Variants in SPDL1 observed in about 807,000 individuals in gnomAD.
SPDL1 encodes spindle apparatus coiled-coil protein 1.
SPDL1 carries 85 observed loss-of-function variants against 79.5 expected under a neutral mutation model. That is an observed-to-expected ratio of 1.07 (90% CI 0.90 to 1.28). The LOEUF (loss-of-function observed/expected upper bound fraction) is 1.28. Among genes scored for constraint, SPDL1 ranks in the 50% most tolerant of loss-of-function variants. The pLI, the probability that SPDL1 is intolerant of heterozygous loss-of-function variation, is 0.00. For synonymous variants in SPDL1, 269 were observed against 240.3 expected (o/e 1.12, Z -1.10); for missense variants, 703 against 697.8 (o/e 1.01, Z -0.08).
rs772936773 is a variant in SPDL1 at position 169,591,092 on chromosome 5, C to T, written c.204C>T (p.Leu68=). The T allele has an allele frequency of 5.6e-6, 9 of 1,613,716 alleles. No homozygotes were observed. The East Asian group carries it at 1.3e-4, about 24-fold the overall frequency. ...EKYTLQREVE[L]KSRMLESLSC... ...ATACCCTTCAAAGAGAAGTTGAACT[C>T]AAGAGTCGAATGTTAGAAAGTTTGA... The change falls in exon 3 of 12, where the codon CTC becomes CTT. Residue 68 remains leucine, a synonymous_variant. Transcript: ENST00000265295.
At chr5:169,602,470 T>G (rs553082300) in intron 11 of SPDL1, among the ~76,000 whole-genome samples, 3 of 152,356 alleles carry the variant, frequency 2.0e-5, no homozygotes, top group Admixed American at 6.5e-5. Flanking sequence ...TAGCCTAGAT[T>G]ATCTCCTATG....
At chr5:169,587,903 T>A (rs1442574991) in intron 1 of SPDL1, among the ~76,000 whole-genome samples, 1 of 152,116 alleles carries the variant, frequency 6.6e-6, no homozygotes, top group African/African-American at 2.4e-5. Context: ...ATTGATTGAT[T>A]GAGATGGAGT....
Position 169,591,032 on chromosome 5 carries a change from T to C in SPDL1, c.160-16T>C, listed in dbSNP as rs564527145. 3 of 1,596,350 alleles carry C rather than the reference T, an allele frequency of 1.9e-6. No homozygotes were observed. Among genetic ancestry groups the C allele is most frequent in the African/African-American group, 2.7e-5 (2 of 74,020 alleles). On this transcript the variant is annotated splice_polypyrimidine_tract_variant and intron_variant, in intron 2 of 11. Coordinates refer to ENST00000265295, the MANE Select transcript of SPDL1 (RefSeq NM_017785.5). Reference sequence around the variant, plus strand: ...CTATTTTTATGTAATTGAATTGTAATTGAATCTGTTTTCAGAGTTATGAAC... The same window carrying C: ...CTATTTTTATGTAATTGAATTGTAACTGAATCTGTTTTCAGAGTTATGAAC...
At chr5:169,596,848 A>C (rs1755613162) in intron 8 of SPDL1, 147 bp downstream of exon 8, 1 of 624,744 alleles carries the variant, frequency 1.6e-6, no homozygotes, top group Non-Finnish European at 2.6e-6. Flanking sequence ...CTTATACTTA[A>C]ACATCCATTG....
At chr5:169,589,638 C>T (rs1388909909) in intron 2 of SPDL1, among the ~76,000 whole-genome samples, 1 of 151,582 alleles carries the variant, frequency 6.6e-6, no homozygotes, top group African/African-American at 2.4e-5. Flanking sequence ...TTAAATGTCA[C>T]TTCAGCGGAG....
chr5:169,602,303 G>C (rs2113396687), intron 11 of SPDL1, among the ~76,000 whole-genome samples: 1 of 152,332 alleles, frequency 6.6e-6, no homozygotes, highest in East Asian at 1.9e-4. Context: ...AAGGTAAGTA[G>C]CAGTGGCTGA....
At chr5:169,588,786 A>G in intron 2 of SPDL1, 1 of 371,994 alleles carries the variant, frequency 2.7e-6, no homozygotes. Flanking sequence ...AGATCAAGTT[A>G]TCATTACTCT....
rs748260596 is a variant in SPDL1, at chr5:169,601,619, C to G, written c.1664C>G (p.Ser555Cys). The change falls in exon 11 of 12, where the codon TCT becomes TGT. Residue 555 changes from serine to cysteine, a missense_variant. Transcript: ENST00000265295. Reference sequence around the variant, plus strand: ...GAAAGAAGTGGAAACACCCCTAACTCTCCCAGGTCAGTGTCCTCTTTTCCT... The same window carrying G: ...GAAAGAAGTGGAAACACCCCTAACTGTCCCAGGTCAGTGTCCTCTTTTCCT... The part of the protein sequence containing the change: ...LSERSGNTPN[S>C]PRLAAESKLQ... 1 of 1,613,954 alleles carries G rather than the reference C, an allele frequency of 6.2e-7. No homozygotes were observed. The highest frequency in any genetic ancestry group is 8.5e-7 in the Non-Finnish European group (1 of 1,179,898).
At position 169,594,480 on chromosome 5, in the gene SPDL1, T is replaced by C. The variant is rs747688016; in HGVS notation, c.768T>C (p.Ser256=). Residue 256 remains serine, a synonymous_variant, in exon 6 of 12, where the codon TCT becomes TCC. Coordinates refer to ENST00000265295, the MANE Select transcript of SPDL1 (RefSeq NM_017785.5). ...TGGATCCCAATAGTAAAGGCAACTCTTTGTTTGCAGAGGTACTTATAAGTA... is the reference window on the plus strand; with the variant it reads ...TGGATCCCAATAGTAAAGGCAACTCCTTGTTTGCAGAGGTACTTATAAGTA... ...QALDPNSKGN[S]LFAEVEDRRA... 1.9e-6 allele frequency: 3 copies of C among 1,614,000 alleles called. No individual in the cohort carries two copies. The East Asian group carries it at 6.7e-5, about 36-fold the overall frequency.
intron 7 of SPDL1, chr5:169,596,299 A>G: frequency 2.9e-6 from 1 of 350,422 alleles, no homozygotes; most frequent in Non-Finnish European, 5.2e-6. Context: ...CTTTCAGACC[A>G]CAGCCATGCA....
At position 169,599,042 on chromosome 5, in the gene SPDL1, G is replaced by T. The variant is rs748551710; in HGVS notation, c.1207G>T (p.Ala403Ser). 5 of 1,599,282 alleles carry T rather than the reference G, an allele frequency of 3.1e-6. No individual in the cohort carries two copies. Among genetic ancestry groups the T allele is most frequent in the Non-Finnish European group, 4.3e-6 (5 of 1,169,326 alleles). The change falls in exon 10 of 12, where the codon GCT becomes TCT. Residue 403 changes from alanine (A) to serine (S), a missense_variant. Ala to Ser is a moderately conservative substitution (Grantham distance 99). Transcript: ENST00000265295. ...RMKALFESQR[A>S]LDIERKLFAN... ...GAAAGCATTATTTGAGAGCCAGCGG[G>T]CTCTAGATATTGAGCGAAAACTTTT... is the stretch of plus-strand genomic sequence containing the variant.
At chr5:169,593,837 T>C (rs1264448644) in intron 4 of SPDL1, among the ~76,000 whole-genome samples, 1 of 152,188 alleles carries the variant, frequency 6.6e-6, no homozygotes, top group Non-Finnish European at 1.5e-5. Flanking sequence ...AAGAGCCCAG[T>C]GTAAAACGTT....
chr5:169,594,762 C>A, intron 7 of SPDL1, 81 bp downstream of exon 7: 2 of 863,388 alleles, frequency 2.3e-6, no homozygotes, highest in Non-Finnish European at 3.7e-6. Context: ...AAGAAACTAG[C>A]TTTTTCTGCA....
At chr5:169,587,598 A>G (rs567263028) in intron 1 of SPDL1, among the ~76,000 whole-genome samples, 1 of 152,344 alleles carries the variant, frequency 6.6e-6, no homozygotes, top group South Asian at 2.1e-4. Context: ...CAGATTTAAT[A>G]TATTCAGGAA....
rs368915167 is a variant in SPDL1, at chr5:169,593,333, CTT to C, written c.337-10_337-9del. ...AAAGAAAATAACTTTCAATTTATGA[CTT>C]TTTTTTTTTTGGCTTTAGATAGAAA... On this transcript the variant is annotated intron_variant, in intron 3 of 11. Coordinates refer to ENST00000265295, the MANE Select transcript of SPDL1 (RefSeq NM_017785.5). 1.5e-3 allele frequency: 1,888 copies of C among 1,230,182 alleles called. No homozygotes were observed. The highest frequency in any genetic ancestry group is 3.6e-3 in the South Asian group (237 of 66,364). The allele number at this position is 1,230,182 out of a possible 1,614,324, so 76.2% of individuals were successfully genotyped here.
At chr5:169,598,333 A>G in intron 8 of SPDL1, 143 bp from the exon 9 acceptor site, 1 of 566,944 alleles carries the variant, frequency 1.8e-6, no homozygotes. Flanking sequence ...CCTACTTCAG[A>G]AGGCAGATAA....
In SPDL1 at chr5:169,601,609, A is replaced by G. The variant is rs1755925550; in HGVS notation, c.1654A>G (p.Thr552Ala). ...AEALSERSGNTPNSPRLAAES... is the reference protein window; with the variant it reads ...AEALSERSGNAPNSPRLAAES... ...GGCCTTAAGTGAAAGAAGTGGAAAC[A>G]CCCCTAACTCTCCCAGGTCAGTGTC... Residue 552 changes from threonine (T) to alanine (A), a missense_variant, in exon 11 of 12, where the codon ACC (threonine) becomes GCC (alanine). Physicochemically the swap from Thr to Ala is moderately conservative, Grantham distance 58. Coordinates refer to ENST00000265295, the MANE Select transcript of SPDL1 (RefSeq NM_017785.5). The G allele has an allele frequency of 3.7e-6, 6 of 1,613,878 alleles. No homozygotes were observed. Among genetic ancestry groups the G allele is most frequent in the Admixed American group, 1.7e-5 (1 of 59,974 alleles).
chr5:169,593,637 G>A (rs188786875), intron 4 of SPDL1, 89 bp downstream of exon 4: 280 of 1,321,086 alleles, frequency 2.1e-4, no homozygotes, highest in Non-Finnish European at 2.5e-4. Context: ...TTAAGAGCTA[G>A]TTTGAAGGCT....
intron 2 of SPDL1, among the ~76,000 whole-genome samples, chr5:169,590,074 T>C (rs1005238636): frequency 6.6e-6 from 1 of 152,250 alleles, no homozygotes; most frequent in Admixed American, 6.5e-5. Flanking sequence ...GTATGCCTTG[T>C]TCACTATCCT....
Sources: gnomAD v4.1 joint callset for allele counts (sites outside exome capture counted in the v4.1 genomes callset) on GRCh38, gnomAD v4.1.1 for gene constraint, MANE v1.5 for transcripts, NCBI Gene and HGNC (gene_info 2026-07-23, HGNC 2026-07-21) for gene names.